STXBP3: variants seen among roughly 807,000 people sequenced by gnomAD.
STXBP3 encodes the protein syntaxin-binding protein 3.
A neutral mutation model predicts 85.7 loss-of-function variants in STXBP3; 41 were observed. That is an observed-to-expected ratio of 0.48 (90% CI 0.37 to 0.62). The LOEUF (loss-of-function observed/expected upper bound fraction) is 0.62, where lower values mean the gene tolerates loss of function less well. Ranked by LOEUF, STXBP3 falls within the 20% of genes least tolerant of loss-of-function variation. The pLI is 0.00. For synonymous variants in STXBP3, 229 were observed against 231.7 expected (o/e 0.99, Z 0.10); for missense variants, 563 against 703.1 (o/e 0.80, Z 2.25).
chr1:108,809,152 G>C lies in STXBP3; in HGVS notation c.*275G>C, dbSNP rs1171440198. ...TGGAGGAGAATATATTAGAGTTGTG[G>C]GTAATTTTTCACAGCCACCTATGTA... On this transcript the variant is annotated 3_prime_UTR_variant, in exon 19 of 19. Transcript: ENST00000370008. 3.6e-6 allele frequency: 1 copy of C among 279,856 alleles called. No individual in the cohort carries two copies. The highest frequency in any genetic ancestry group is 6.6e-6 in the Non-Finnish European group (1 of 150,810). The allele number at this position is 279,856 out of a possible 1,614,324, so 17.3% of individuals were successfully genotyped here. A position where few individuals can be genotyped will look rare whatever the true frequency, so the allele number is the denominator to read the frequency against.
intron 3 of STXBP3, among the ~76,000 whole-genome samples, chr1:108,754,887 A>C (rs1231235278): frequency 6.6e-6 from 1 of 152,116 alleles, no homozygotes; most frequent in African/African-American, 2.4e-5. Context: ...CTCCAGAACC[A>C]CCTAAGTTTG....
chr1:108,753,905 T>C (rs968660811), intron 3 of STXBP3, among the ~76,000 whole-genome samples: 1 of 152,172 alleles, frequency 6.6e-6, no homozygotes, highest in African/African-American at 2.4e-5. Context: ...CATTTATATT[T>C]TGGATCCTAA....
chr1:108,788,355 C>T (rs1022593075), intron 11 of STXBP3, among the ~76,000 whole-genome samples: 2 of 152,038 alleles, frequency 1.3e-5, no homozygotes, highest in African/African-American at 4.8e-5. Context: ...TGTAATAGTC[C>T]TTTTTTGTAA....
chr1:108,746,701 T>C lies in STXBP3; in HGVS notation c.-37T>C, dbSNP rs1352533710. The C allele has an allele frequency of 6.5e-7, 1 of 1,546,040 alleles. No homozygotes were observed. Among genetic ancestry groups the C allele is most frequent in the African/African-American group, 1.4e-5 (1 of 72,232 alleles). On this transcript the variant is annotated 5_prime_UTR_variant, in exon 1 of 19. Coordinates refer to ENST00000370008, the MANE Select transcript of STXBP3 (RefSeq NM_007269.4). ...TTCTGCGGCCAAAGTAGGTTGGGAGTGGAAGGTGGTGGCTGCTGCTCCGCA... is the reference window on the plus strand; with the variant it reads ...TTCTGCGGCCAAAGTAGGTTGGGAGCGGAAGGTGGTGGCTGCTGCTCCGCA...
chr1:108,798,360 C>T, intron 16 of STXBP3, 123 bp downstream of exon 16: 1 of 476,882 alleles, frequency 2.1e-6, no homozygotes, highest in Non-Finnish European at 3.5e-6. Context: ...TGGTTGGAGG[C>T]TTCACAAAAA....
At chr1:108,792,709 A>G (rs1383972087) in intron 11 of STXBP3, among the ~76,000 whole-genome samples, 1 of 152,198 alleles carries the variant, frequency 6.6e-6, no homozygotes, top group African/African-American at 2.4e-5. Flanking sequence ...TGGATGATAC[A>G]TTGCAGAGGT....
intron 6 of STXBP3, among the ~76,000 whole-genome samples, chr1:108,769,494 G>A (rs1662337469): frequency 6.6e-6 from 1 of 152,184 alleles, no homozygotes; most frequent in African/African-American, 2.4e-5. Flanking sequence ...ACAGTTAGTA[G>A]AGAGGATACT....
intron 8 of STXBP3, among the ~76,000 whole-genome samples, chr1:108,777,697 T>C (rs1184074353): frequency 6.6e-6 from 1 of 152,194 alleles, no homozygotes; most frequent in Non-Finnish European, 1.5e-5. Context: ...CCTGGAAAAT[T>C]AATCATCCTT....
At chr1:108,763,483 T>C (rs946366288) in intron 6 of STXBP3, among the ~76,000 whole-genome samples, 2 of 152,072 alleles carry the variant, frequency 1.3e-5, no homozygotes, top group Admixed American at 6.5e-5. Flanking sequence ...ATGATATATT[T>C]CCAAAAATAC....
rs1306916245 is a variant in STXBP3 at position 108,793,663 on chromosome 1, T to C, written c.1029+16T>C. 5.6e-6 allele frequency: 9 copies of C among 1,594,792 alleles called. No individual in the cohort carries two copies. The highest frequency in any genetic ancestry group is 1.3e-5 in the African/African-American group (1 of 74,320). On this transcript the variant is annotated intron_variant, in intron 12 of 18. Transcript: ENST00000370008. ...GATTACTAAGGTAAGCAGTATTGTA[T>C]ATGAGATACCTGATTAGTTTTAGTT...
chr1:108,797,466 G>A (rs965223831), intron 15 of STXBP3, among the ~76,000 whole-genome samples: 3 of 147,830 alleles, frequency 2.0e-5, no homozygotes, highest in Non-Finnish European at 4.4e-5. Flanking sequence ...AGGCTGGAGT[G>A]CAGTGGCATG....
chr1:108,746,890 G>A, intron 1 of STXBP3, 104 bp downstream of exon 1: 2 of 1,172,348 alleles, frequency 1.7e-6, no homozygotes, highest in Admixed American at 2.3e-5. Context: ...GAGCCGCCGC[G>A]AGCACTTGTT....
At chr1:108,759,860 T>G in intron 5 of STXBP3, 125 bp from the exon 6 acceptor site, 1 of 612,192 alleles carries the variant, frequency 1.6e-6, no homozygotes, top group East Asian at 3.2e-5. Context: ...TATATATTAT[T>G]TATGTCCTCA....
chr1:108,766,886 G>T (rs1662274720), intron 6 of STXBP3: 5 of 502,282 alleles, frequency 1.0e-5, no homozygotes, highest in Admixed American at 2.2e-5. Context: ...TAAGAGAGCA[G>T]GTAACTCTAG....
chr1:108,801,547 G>T (rs1200326314), intron 17 of STXBP3, among the ~76,000 whole-genome samples: 2 of 151,926 alleles, frequency 1.3e-5, no homozygotes, highest in African/African-American at 4.8e-5. Context: ...TCAGTTATCT[G>T]TTCAGACACT....
Position 108,796,282 on chromosome 1 carries a change from A to AT in STXBP3, c.1160dup (p.Met387IlefsTer14), listed in dbSNP as rs748384328. ...AGAAGGACAGAAGGTGAAAGATTCC[A>AT]TGCGAGTACTCCTTCCAGTTCTACT... On this transcript the variant is annotated frameshift_variant, in exon 14 of 19. Coordinates refer to ENST00000370008, the MANE Select transcript of STXBP3 (RefSeq NM_007269.4). LOFTEE classifies it high-confidence loss of function. The AT allele has an allele frequency of 6.2e-7, 1 of 1,613,842 alleles. No individual in the cohort carries two copies.
At chr1:108,782,627 G>C in intron 10 of STXBP3, 22 bp from the exon 11 acceptor site, 7 of 1,602,352 alleles carry the variant, frequency 4.4e-6, no homozygotes, top group Non-Finnish European at 6.0e-6. Flanking sequence ...GAAATTTAAA[G>C]AATTCTCTCA....
At chr1:108,772,559 A>G (rs1238500718) in intron 6 of STXBP3, 106 bp from the exon 7 acceptor site, 1 of 340,926 alleles carries the variant, frequency 2.9e-6, no homozygotes, top group East Asian at 1.1e-4. Context: ...AATACATATG[A>G]TATATATCTA....
Position 108,771,711 on chromosome 1 carries a change from A to G in STXBP3, c.439-954A>G, listed in dbSNP as rs1202263020. On this transcript the variant is annotated intron_variant, in intron 6 of 18. Transcript: ENST00000370008. The stretch of plus-strand genomic sequence containing the variant: ...CTATCTATATATATCATATATAAAT[A>G]TATATGATATCTATCTATATATATC... 2.8e-4 allele frequency among the ~76,000 whole-genome samples: 5 copies of G among 18,090 alleles called. 1 individual carries two copies. The highest frequency in any genetic ancestry group is 2.4e-3 in the East Asian group (5 of 2,086). 11.9% of individuals were successfully genotyped at this position (18,090 alleles called of 152,430 possible).
Sources: gnomAD v4.1 joint callset for allele counts (sites outside exome capture counted in the v4.1 genomes callset) on GRCh38, gnomAD v4.1.1 for gene constraint, MANE v1.5 for transcripts, NCBI Gene and HGNC (gene_info 2026-07-23, HGNC 2026-07-21) for gene names.